RBMS3: variants seen among roughly 807,000 people sequenced by gnomAD.
RBMS3 encodes RNA-binding motif, single-stranded-interacting protein 3.
A neutral mutation model predicts 66.8 loss-of-function variants in RBMS3; 27 were observed. The observed-to-expected ratio is 0.40, with a 90% CI of 0.30 to 0.56. The LOEUF is 0.56. Among genes scored for constraint, RBMS3 ranks in the 20% least tolerant of loss-of-function variants. The pLI is 0.40. For synonymous variants in RBMS3, 188 were observed against 183.0 expected (o/e 1.03, Z -0.22); for missense variants, 513 against 549.5 (o/e 0.93, Z 0.66).
rs141762516 is a variant in RBMS3 at position 29,714,821 on chromosome 3, A to G, written c.400-24899A>G. On this transcript the variant is annotated intron_variant, in intron 4 of 14. Coordinates refer to ENST00000383767, the MANE Select transcript of RBMS3 (RefSeq NM_001003793.3). ...TCTGAAAAGATAAAGACAATGTTGA[A>G]TGGGCTGCTTTAGAAACTTGGCCTG... Among the ~76,000 whole-genome samples, 461 of 152,138 alleles carry G rather than the reference A, an allele frequency of 3.0e-3. 2 individuals carry two copies. The highest frequency in any genetic ancestry group is 9.9e-3 in the African/African-American group (410 of 41,514).
chr3:29,363,389 C>A (rs2037715739), intron 1 of RBMS3, among the ~76,000 whole-genome samples: 1 of 152,120 alleles, frequency 6.6e-6, no homozygotes, highest in South Asian at 2.1e-4. Flanking sequence ...CAGAGACTCT[C>A]TAATCCAAGG....
intron 1 of RBMS3, among the ~76,000 whole-genome samples, chr3:29,296,495 T>A (rs1471609589): frequency 6.6e-6 from 1 of 151,828 alleles, no homozygotes; most frequent in Non-Finnish European, 1.5e-5. Context: ...GTAAATCTAA[T>A]GGACCTAGGT....
intron 3 of RBMS3, among the ~76,000 whole-genome samples, chr3:29,583,880 G>A (rs1388033704): frequency 6.6e-6 from 1 of 151,532 alleles, no homozygotes; most frequent in African/African-American, 2.4e-5. Context: ...GCTTCACACT[G>A]GAATCAGGTG....
At position 29,716,099 on chromosome 3, in the gene RBMS3, G is replaced by A. The variant is rs533360420; in HGVS notation, c.400-23621G>A. Reference sequence around the variant, plus strand: ...AAGATGGGTCACACTACTATAGTAGGTGTGTGAGGAAAACGGAACTTTTAC... The same window carrying A: ...AAGATGGGTCACACTACTATAGTAGATGTGTGAGGAAAACGGAACTTTTAC... On this transcript the variant is annotated intron_variant, in intron 4 of 14. Coordinates refer to ENST00000383767, the MANE Select transcript of RBMS3 (RefSeq NM_001003793.3). 9.9e-5 allele frequency among the ~76,000 whole-genome samples: 15 copies of A among 152,234 alleles called. No individual in the cohort carries two copies. The South Asian group carries it at 2.5e-3, about 25-fold the overall frequency.
intron 3 of RBMS3, among the ~76,000 whole-genome samples, chr3:29,583,104 C>G (rs769439528): frequency 6.6e-6 from 1 of 152,124 alleles, no homozygotes; most frequent in South Asian, 2.1e-4. Flanking sequence ...GGCAGAATGA[C>G]TCTTTATAAG....
At chr3:29,917,498 C>T (rs578032754) in intron 10 of RBMS3, among the ~76,000 whole-genome samples, 2 of 152,200 alleles carry the variant, frequency 1.3e-5, no homozygotes, top group Non-Finnish European at 2.9e-5. Context: ...CTTTATGAAA[C>T]TTCCAGTGTA....
chr3:29,426,503 A>G (rs1032437270), intron 1 of RBMS3, among the ~76,000 whole-genome samples: 9 of 152,230 alleles, frequency 5.9e-5, no homozygotes, highest in Non-Finnish European at 1.3e-4. Context: ...TGATTATGCA[A>G]TCTGCTGAGG....
At chr3:29,727,423 A>C (rs964506844) in intron 4 of RBMS3, among the ~76,000 whole-genome samples, 3 of 152,204 alleles carry the variant, frequency 2.0e-5, no homozygotes, top group African/African-American at 7.2e-5. Flanking sequence ...ATCAGAGTGA[A>C]CATGCAAACT....
chr3:29,500,056 G>T (rs1314584553), intron 3 of RBMS3, among the ~76,000 whole-genome samples: 1 of 146,054 alleles, frequency 6.8e-6, no homozygotes, highest in Non-Finnish European at 1.5e-5. Context: ...TAATCAATGA[G>T]AAGGATTTTC....
intron 1 of RBMS3, among the ~76,000 whole-genome samples, chr3:29,285,616 G>T (rs2032261004): frequency 6.6e-6 from 1 of 152,092 alleles, no homozygotes. Flanking sequence ...GACCCAAACA[G>T]AATTTCTTGG....
At chr3:29,884,110 C>T in intron 7 of RBMS3, 52 bp from the exon 8 acceptor site, 1 of 1,504,446 alleles carries the variant, frequency 6.6e-7, no homozygotes, top group Non-Finnish European at 9.2e-7. Context: ...GTTTTGGGCA[C>T]CACAATAAAA....
At chr3:29,834,412 A>G (rs894562725) in intron 6 of RBMS3, among the ~76,000 whole-genome samples, 1 of 152,096 alleles carries the variant, frequency 6.6e-6, no homozygotes, top group South Asian at 2.1e-4. Context: ...TAGATGAACA[A>G]TATAAAATGA....
At chr3:29,518,057 A>G (rs1028565650) in intron 3 of RBMS3, among the ~76,000 whole-genome samples, 3 of 152,202 alleles carry the variant, frequency 2.0e-5, no homozygotes, top group African/African-American at 7.2e-5. Flanking sequence ...CACAATGCCT[A>G]CATTTTTTAG....
At chr3:29,505,725 A>G (rs1173106848) in intron 3 of RBMS3, among the ~76,000 whole-genome samples, 1 of 151,326 alleles carries the variant, frequency 6.6e-6, no homozygotes, top group Non-Finnish European at 1.5e-5. Flanking sequence ...ACATGTTTCC[A>G]TTTATTTGTG....
intron 4 of RBMS3, among the ~76,000 whole-genome samples, chr3:29,626,273 C>T (rs1362271394): frequency 2.0e-5 from 3 of 152,002 alleles, no homozygotes; most frequent in Non-Finnish European, 2.9e-5. Flanking sequence ...TGGCCTACCC[C>T]ATTCTTAAAA....
At chr3:29,582,619 G>A (rs1197789194) in intron 3 of RBMS3, among the ~76,000 whole-genome samples, 2 of 152,198 alleles carry the variant, frequency 1.3e-5, no homozygotes, top group Non-Finnish European at 2.9e-5. Context: ...TTACCGGAAA[G>A]CATTATTAGC....
At chr3:29,820,528 C>A (rs921313466) in intron 6 of RBMS3, among the ~76,000 whole-genome samples, 16 of 152,184 alleles carry the variant, frequency 1.1e-4, no homozygotes, top group Middle Eastern at 3.4e-3. Context: ...TGCACTCAAA[C>A]CAGCTAATTC....
chr3:29,623,002 A>T (rs2048921581), intron 4 of RBMS3, among the ~76,000 whole-genome samples: 1 of 151,490 alleles, frequency 6.6e-6, no homozygotes, highest in Non-Finnish European at 1.5e-5. Context: ...CTGTAGTCCC[A>T]GCTACTAGGG....
At chr3:29,461,052 A>G (rs973097630) in intron 2 of RBMS3, among the ~76,000 whole-genome samples, 17 of 152,256 alleles carry the variant, frequency 1.1e-4, no homozygotes, top group African/African-American at 3.1e-4. Flanking sequence ...GAAAATGTCA[A>G]TGCAAAATAG....
Sources: allele counts gnomAD v4.1 joint callset (sites outside exome capture counted in the v4.1 genomes callset), GRCh38; gene constraint gnomAD v4.1.1; transcripts MANE v1.5; gene names NCBI Gene and HGNC (gene_info 2026-07-23, HGNC 2026-07-21).